The following TMEM132C variants were observed in gnomAD, a reference collection of about 807,000 sequenced individuals.
TMEM132C encodes the protein transmembrane protein 132C.
A neutral mutation model predicts 61.4 loss-of-function variants in TMEM132C; 29 were observed. The ratio of observed to expected loss-of-function variants is 0.47; its 90% CI spans 0.35 to 0.64. TMEM132C has a LOEUF of 0.64. TMEM132C is among the 30% of genes least tolerant of loss of function. TMEM132C has a pLI of 0.00. For synonymous variants in TMEM132C, 656 were observed against 633.1 expected, an observed-to-expected ratio of 1.04 and a Z score of -0.54; for missense variants, 1,408 against 1,476.9, an observed-to-expected ratio of 0.95 and a Z score of 0.76.
chr12:128,356,410 A>G (rs369659760), intron 1 of TMEM132C, among the ~76,000 whole-genome samples: 4 of 152,332 alleles, frequency 2.6e-5, no homozygotes, highest in Non-Finnish European at 4.4e-5. Flanking sequence ...ATTTGCATCA[A>G]TAAAACGCGT....
intron 8 of TMEM132C, among the ~76,000 whole-genome samples, chr12:128,702,130 C>A (rs1954808403): frequency 6.6e-6 from 1 of 152,036 alleles, no homozygotes; most frequent in South Asian, 2.1e-4. Context: ...GAACTCCTGA[C>A]CTCAGGTGAT....
intron 1 of TMEM132C, among the ~76,000 whole-genome samples, chr12:128,381,994 G>A (rs937900427): frequency 1.3e-4 from 20 of 150,980 alleles, no homozygotes; most frequent in African/African-American, 4.1e-4. Context: ...AAGACCCTTC[G>A]CAACACTCCT....
At chr12:128,463,302 C>G (rs1870603034) in intron 2 of TMEM132C, among the ~76,000 whole-genome samples, 1 of 151,898 alleles carries the variant, frequency 6.6e-6, no homozygotes. Context: ...GGTGGTTTAC[C>G]AAAAACTCAT....
intron 4 of TMEM132C, among the ~76,000 whole-genome samples, chr12:128,655,621 T>G (rs1165703618): frequency 1.3e-5 from 2 of 151,948 alleles, no homozygotes; most frequent in Admixed American, 1.3e-4. Context: ...TAGGCTGAGT[T>G]GTCAGTCTCT....
At chr12:128,509,184 T>C (rs1404139384) in intron 2 of TMEM132C, among the ~76,000 whole-genome samples, 1 of 152,176 alleles carries the variant, frequency 6.6e-6, no homozygotes, top group Admixed American at 6.5e-5. Flanking sequence ...TGAGGTTTAT[T>C]TTACCAAGGC....
At chr12:128,607,669 A>T (rs1876476260) in intron 3 of TMEM132C, among the ~76,000 whole-genome samples, 1 of 152,180 alleles carries the variant, frequency 6.6e-6, no homozygotes, top group Non-Finnish European at 1.5e-5. Flanking sequence ...TGACTCCTGG[A>T]AATTTTAGCT....
At chr12:128,614,067 G>C (rs1430218058) in intron 3 of TMEM132C, among the ~76,000 whole-genome samples, 1 of 152,144 alleles carries the variant, frequency 6.6e-6, no homozygotes, top group African/African-American at 2.4e-5. Context: ...CCTCAGGCTG[G>C]ATGCCAAGGC....
chr12:128,466,640 T>C (rs1870746325), intron 2 of TMEM132C, among the ~76,000 whole-genome samples: 1 of 152,170 alleles, frequency 6.6e-6, no homozygotes, highest in African/African-American at 2.4e-5. Context: ...TAAGCCATAC[T>C]CCATCCTCTG....
chr12:128,419,367 C>T lies in TMEM132C; in HGVS notation c.974+3747C>T, dbSNP rs1008775783. ...ATGAGCATTATGAACAGCAAACTCT[C>T]TAGGATGAGTGCGAAGGCTCTGGAC... On this transcript the variant is annotated intron_variant, in intron 2 of 8. Transcript: ENST00000435159. 3.3e-5 allele frequency among the ~76,000 whole-genome samples: 5 copies of T among 152,150 alleles called. 1 individual carries two copies. Among genetic ancestry groups the T allele is most frequent in the Non-Finnish European group, 7.4e-5 (5 of 68,022 alleles).
chr12:128,599,090 G>T (rs555801254), intron 3 of TMEM132C, among the ~76,000 whole-genome samples: 1 of 152,254 alleles, frequency 6.6e-6, no homozygotes, highest in East Asian at 1.9e-4. Context: ...GGTGTCACAG[G>T]CAGTGGCTCC....
At chr12:128,447,689 G>A (rs1390081071) in intron 2 of TMEM132C, among the ~76,000 whole-genome samples, 1 of 126,088 alleles carries the variant, frequency 7.9e-6, no homozygotes, top group Admixed American at 8.3e-5. Context: ...CTAGACGTAT[G>A]ATATTATTTC....
At chr12:128,519,436 T>C (rs931540083) in intron 2 of TMEM132C, among the ~76,000 whole-genome samples, 8 of 152,232 alleles carry the variant, frequency 5.3e-5, no homozygotes, top group Non-Finnish European at 1.2e-4. Flanking sequence ...CTAGACATTG[T>C]CCCTATATTT....
chr12:128,378,391 C>T (rs1874282888), intron 1 of TMEM132C, among the ~76,000 whole-genome samples: 1 of 151,734 alleles, frequency 6.6e-6, no homozygotes, highest in Non-Finnish European at 1.5e-5. Flanking sequence ...GCTGGGATTA[C>T]AGGCGTGAGC....
chr12:128,666,122 C>A (rs1954470197), intron 4 of TMEM132C, among the ~76,000 whole-genome samples: 1 of 149,750 alleles, frequency 6.7e-6, no homozygotes, highest in Non-Finnish European at 1.5e-5. Context: ...CACAGGCACC[C>A]ACACACACAG....
At position 128,490,116 on chromosome 12, in the gene TMEM132C, G is replaced by A. The variant is rs77045773; in HGVS notation, c.975-53841G>A. Among the ~76,000 whole-genome samples the A allele has an allele frequency of 9.3e-4, 142 of 152,272 alleles. 1 individual carries two copies. The East Asian group carries it at 0.026, about 28-fold the overall frequency. On this transcript the variant is annotated intron_variant, in intron 2 of 8. Transcript: ENST00000435159. Reference sequence around the variant, plus strand: ...ATGAATAAGCATGAGTGGGAGGCTAGCAAGGGAGGTGATTGGGGGAAGGAG... The same window carrying A: ...ATGAATAAGCATGAGTGGGAGGCTAACAAGGGAGGTGATTGGGGGAAGGAG...
At chr12:128,509,261 C>T (rs779818516) in intron 2 of TMEM132C, among the ~76,000 whole-genome samples, 8 of 151,952 alleles carry the variant, frequency 5.3e-5, no homozygotes, top group East Asian at 1.9e-4. Flanking sequence ...TTTCCCAAAG[C>T]GGGCTTTGAG....
intron 2 of TMEM132C, among the ~76,000 whole-genome samples, chr12:128,525,362 C>T (rs549110944): frequency 8.6e-5 from 13 of 151,810 alleles, no homozygotes; most frequent in South Asian, 2.1e-4. Context: ...CTCTCTCTCT[C>T]CCTCCTTTGA....
Position 128,618,680 on chromosome 12 carries a change from G to A in TMEM132C, c.1305+2345G>A, listed in dbSNP as rs139718931. Among the ~76,000 whole-genome samples the A allele has an allele frequency of 6.0e-4, 91 of 152,216 alleles. 3 individuals carry two copies. The East Asian group carries it at 0.014, about 24-fold the overall frequency. ...ATCTAGTGCTTTTATAAGGGGTTTC[G>A]CCTTTCACTTGGCTCTCATTCTCTC... On this transcript the variant is annotated intron_variant, in intron 4 of 8. Coordinates refer to ENST00000435159, the MANE Select transcript of TMEM132C (RefSeq NM_001136103.3).
intron 1 of TMEM132C, among the ~76,000 whole-genome samples, chr12:128,360,411 G>A (rs931340481): frequency 6.6e-6 from 1 of 152,166 alleles, no homozygotes; most frequent in Non-Finnish European, 1.5e-5. Flanking sequence ...TGAGTCACAT[G>A]TGGACATTGA....
Sources: gnomAD v4.1 joint callset for allele counts (sites outside exome capture counted in the v4.1 genomes callset) on GRCh38, gnomAD v4.1.1 for gene constraint, MANE v1.5 for transcripts, NCBI Gene and HGNC (gene_info 2026-07-23, HGNC 2026-07-21) for gene names.